EYS: variants seen among roughly 807,000 people sequenced by gnomAD.
EYS encodes EGF-like photoreceptor maintenance factor.
A neutral mutation model predicts 282.1 loss-of-function variants in EYS; 250 were observed. The ratio of observed to expected loss-of-function variants is 0.89; its 90% CI spans 0.80 to 0.98. The LOEUF (loss-of-function observed/expected upper bound fraction) is 0.98, where lower values mean the gene tolerates loss of function less well. Among genes scored for constraint, EYS ranks in the 50% least tolerant of loss-of-function variants. The pLI, the probability that EYS is intolerant of heterozygous loss-of-function variation, is 0.00. For synonymous variants in EYS, 1,355 were observed against 1,282.9 expected (o/e 1.06, Z -1.20); for missense variants, 4,016 against 3,709.0 (o/e 1.08, Z -2.15).
At chr6:65,167,205 C>A (rs1257572855) in intron 12 of EYS, among the ~76,000 whole-genome samples, 2 of 151,056 alleles carry the variant, frequency 1.3e-5, no homozygotes, top group Admixed American at 1.3e-4. Flanking sequence ...ACAACATATA[C>A]CCACACAAAA....
intron 13 of EYS, among the ~76,000 whole-genome samples, chr6:65,039,117 C>T (rs1772854401): frequency 6.6e-6 from 1 of 151,384 alleles, no homozygotes; most frequent in Non-Finnish European, 1.5e-5. Flanking sequence ...CAAAGAACTT[C>T]TACATTTTCT....
At chr6:64,986,234 G>A (rs1207316098) in intron 14 of EYS, among the ~76,000 whole-genome samples, 1 of 151,272 alleles carries the variant, frequency 6.6e-6, no homozygotes, top group Non-Finnish European at 1.5e-5. Flanking sequence ...AAGGTGCCAG[G>A]CTTATTATTC....
At chr6:64,132,355 A>T (rs80260626) in intron 31 of EYS, among the ~76,000 whole-genome samples, 3,811 of 151,982 alleles carry the variant, frequency 0.025, 155 homozygotes, top group African/African-American at 0.087. Flanking sequence ...ATTTAGGAAC[A>T]ACTATCTCCA....
intron 13 of EYS, among the ~76,000 whole-genome samples, chr6:65,054,785 T>C (rs1313123527): frequency 6.6e-6 from 1 of 152,148 alleles, no homozygotes; most frequent in Non-Finnish European, 1.5e-5. Flanking sequence ...ATGTACCATA[T>C]AAAGCTAAGG....
intron 2 of EYS, among the ~76,000 whole-genome samples, chr6:65,607,531 TATG>T (rs1373058289): frequency 6.6e-6 from 1 of 151,956 alleles, no homozygotes; most frequent in Non-Finnish European, 1.5e-5. Flanking sequence ...AGAGTCGCCC[TATG>T]ATATTACTGC....
At chr6:63,854,041 TG>T (rs1251416860) in intron 36 of EYS, among the ~76,000 whole-genome samples, 3 of 152,180 alleles carry the variant, frequency 2.0e-5, no homozygotes, top group African/African-American at 7.2e-5. Context: ...TGGAAGACAG[TG>T]TGGTGATTCC....
chr6:64,240,977 G>A (rs147718565), intron 30 of EYS, among the ~76,000 whole-genome samples: 1 of 152,236 alleles, frequency 6.6e-6, no homozygotes, highest in African/African-American at 2.4e-5. Context: ...GCTGAATTTT[G>A]TCGAAGGCCT....
chr6:65,559,114 C>G (rs1476129588), intron 2 of EYS, among the ~76,000 whole-genome samples: 5 of 152,112 alleles, frequency 3.3e-5, no homozygotes, highest in Non-Finnish European at 7.4e-5. Flanking sequence ...TGCCTGTAAT[C>G]CCAACACTTT....
chr6:63,991,775 A>T (rs1351382864), intron 34 of EYS, among the ~76,000 whole-genome samples: 2 of 151,720 alleles, frequency 1.3e-5, no homozygotes, highest in Non-Finnish European at 3.0e-5. Context: ...AACTGAAATG[A>T]ACCTAAAAAA....
intron 33 of EYS, among the ~76,000 whole-genome samples, chr6:64,059,819 T>C (rs566904140): frequency 6.6e-6 from 1 of 152,294 alleles, no homozygotes; most frequent in Non-Finnish European, 1.5e-5. Flanking sequence ...AGGCTATGCA[T>C]GGATAAAGGT....
chr6:64,619,483 C>T (rs889089183), intron 23 of EYS, among the ~76,000 whole-genome samples: 7 of 150,990 alleles, frequency 4.6e-5, no homozygotes, highest in Admixed American at 1.3e-4. Context: ...GGTGAGCTAA[C>T]AGAAAAGTAC....
At chr6:65,138,437 T>TA (rs1453046444) in intron 12 of EYS, among the ~76,000 whole-genome samples, 1 of 152,042 alleles carries the variant, frequency 6.6e-6, no homozygotes, top group East Asian at 1.9e-4. Flanking sequence ...TAAAATATAT[T>TA]AAGAGTGTAT....
intron 14 of EYS, among the ~76,000 whole-genome samples, chr6:64,956,199 C>T (rs1337269152): frequency 6.6e-6 from 1 of 152,130 alleles, no homozygotes; most frequent in African/African-American, 2.4e-5. Context: ...AATTATACTA[C>T]AGTGCTATAG....
chr6:64,708,599 T>C (rs1343746128), intron 22 of EYS, among the ~76,000 whole-genome samples: 3 of 152,106 alleles, frequency 2.0e-5, no homozygotes, highest in Non-Finnish European at 2.9e-5. Flanking sequence ...TCAGCGTAAA[T>C]GACAGATTTG....
chr6:64,125,520 C>T (rs924767904), intron 31 of EYS, among the ~76,000 whole-genome samples: 3 of 151,690 alleles, frequency 2.0e-5, no homozygotes, highest in African/African-American at 7.3e-5. Flanking sequence ...GTGGCTCACG[C>T]CTGGCCTGTA....
At chr6:63,905,504 T>C (rs1433269294) in intron 35 of EYS, among the ~76,000 whole-genome samples, 1 of 151,902 alleles carries the variant, frequency 6.6e-6, no homozygotes, top group African/African-American at 2.4e-5. Flanking sequence ...TAATTTTTTG[T>C]ATTTTTTAGT....
chr6:65,392,047 C>A (rs1171119946), intron 7 of EYS, among the ~76,000 whole-genome samples: 1 of 152,036 alleles, frequency 6.6e-6, no homozygotes, highest in East Asian at 1.9e-4. Context: ...CTTTGACAAA[C>A]CTGAGAGAAA....
intron 26 of EYS, among the ~76,000 whole-genome samples, chr6:64,544,379 C>A (rs549822648): frequency 2.0e-5 from 3 of 152,164 alleles, no homozygotes; most frequent in African/African-American, 7.2e-5. Flanking sequence ...AAAGAAGGAG[C>A]TGAGGACCAG....
At chr6:64,924,023 C>T (rs960693160) in intron 15 of EYS, among the ~76,000 whole-genome samples, 1 of 152,210 alleles carries the variant, frequency 6.6e-6, no homozygotes. Context: ...AGTAGGGACT[C>T]TGTGTGGGGA....
Sources: allele counts gnomAD v4.1 joint callset (sites outside exome capture counted in the v4.1 genomes callset), GRCh38; gene constraint gnomAD v4.1.1; transcripts MANE v1.5; gene names NCBI Gene and HGNC (gene_info 2026-07-23, HGNC 2026-07-21).